XYLT1: variants seen among roughly 807,000 people sequenced by gnomAD.
XYLT1 encodes beta-D-xylosyltransferase 1.
A neutral mutation model predicts 91.3 loss-of-function variants in XYLT1; 36 were observed. The ratio of observed to expected loss-of-function variants is 0.39; its 90% confidence interval spans 0.30 to 0.52. The LOEUF (loss-of-function observed/expected upper bound fraction) is 0.52. XYLT1 is among the 20% of genes least tolerant of loss of function. The pLI, the probability that XYLT1 is intolerant of heterozygous loss-of-function variation, is 0.68. For missense variants in XYLT1, 1,242 were observed against 1,284.5 expected (o/e 0.97, Z 0.51); for synonymous variants, 588 against 532.0 (o/e 1.11, Z -1.45).
At chr16:17,438,890 A>C (rs2036496336) in intron 1 of XYLT1, among the ~76,000 whole-genome samples, 1 of 152,182 alleles carries the variant, frequency 6.6e-6, no homozygotes, top group African/African-American at 2.4e-5. Flanking sequence ...TTACAATTCA[A>C]CATGAGATTT....
At chr16:17,109,222 GGCACGGT>G (rs1966821238) in intron 11 of XYLT1, among the ~76,000 whole-genome samples, 2 of 152,166 alleles carry the variant, frequency 1.3e-5, no homozygotes, top group Non-Finnish European at 2.9e-5. Flanking sequence ...CTTTGTACAG[GGCACGGT>G]GCATGCCTTT....
At chr16:17,401,213 A>G (rs1274966909) in intron 1 of XYLT1, among the ~76,000 whole-genome samples, 4 of 152,120 alleles carry the variant, frequency 2.6e-5, no homozygotes, top group African/African-American at 7.2e-5. Flanking sequence ...TACAAAGGAA[A>G]AGGGACGAGG....
chr16:17,381,073 G>A (rs970457022), intron 1 of XYLT1, among the ~76,000 whole-genome samples: 3 of 152,168 alleles, frequency 2.0e-5, no homozygotes, highest in Admixed American at 6.5e-5. Context: ...CCTGCAAAGC[G>A]TTTTAGAACT....
chr16:17,108,675 C>T lies in XYLT1; in HGVS notation c.*20G>A. 1.3e-6 allele frequency: 2 copies of T among 1,539,778 alleles called. No homozygotes were observed. Among genetic ancestry groups the T allele is most frequent in the African/African-American group, 1.3e-5 (1 of 74,122 alleles). On this transcript the variant is annotated 3_prime_UTR_variant, in exon 12 of 12. Transcript: ENST00000261381. Reference sequence around the variant, plus strand: ...CTTTCCCGTTGAGATCCTGCTGTGGCCCACTCCTCGTGCCCAGTGCTACCT... The same window carrying T: ...CTTTCCCGTTGAGATCCTGCTGTGGTCCACTCCTCGTGCCCAGTGCTACCT...
intron 4 of XYLT1, 28 bp downstream of exon 4, chr16:17,200,454 G>A (rs2032518019): frequency 3.1e-6 from 5 of 1,601,804 alleles, no homozygotes; most frequent in African/African-American, 1.3e-5. Context: ...AGAAAGCCCA[G>A]CAAGGGGTGA....
chr16:17,155,225 A>C (rs1416264716), intron 6 of XYLT1, among the ~76,000 whole-genome samples: 1 of 152,202 alleles, frequency 6.6e-6, no homozygotes, highest in East Asian at 1.9e-4. Flanking sequence ...GAGTTTGAGC[A>C]AGTAACTTCA....
At chr16:17,197,614 C>T (rs2032455461) in intron 5 of XYLT1, among the ~76,000 whole-genome samples, 1 of 152,076 alleles carries the variant, frequency 6.6e-6, no homozygotes, top group South Asian at 2.1e-4. Context: ...TAATCAGCTG[C>T]CAGCGTGGCC....
At chr16:17,383,040 C>T (rs547749510) in intron 1 of XYLT1, among the ~76,000 whole-genome samples, 5 of 151,926 alleles carry the variant, frequency 3.3e-5, no homozygotes, top group Admixed American at 6.6e-5. Flanking sequence ...CTGAGACCCA[C>T]GTACTCACTT....
At chr16:17,234,147 T>C (rs1378287381) in intron 3 of XYLT1, among the ~76,000 whole-genome samples, 1 of 152,134 alleles carries the variant, frequency 6.6e-6, no homozygotes, top group Non-Finnish European at 1.5e-5. Context: ...GCCACGCCCA[T>C]TTTGCAGAGG....
At chr16:17,217,686 T>A (rs2032885658) in intron 3 of XYLT1, among the ~76,000 whole-genome samples, 1 of 152,100 alleles carries the variant, frequency 6.6e-6, no homozygotes, top group South Asian at 2.1e-4. Flanking sequence ...GACAGTCCAG[T>A]GGATGTTGGA....
At chr16:17,320,066 C>G (rs1484593117) in intron 2 of XYLT1, among the ~76,000 whole-genome samples, 30 of 152,344 alleles carry the variant, frequency 2.0e-4, no homozygotes, top group East Asian at 1.9e-4. Context: ...TCCTACATAA[C>G]ATAGCCCACT....
intron 2 of XYLT1, among the ~76,000 whole-genome samples, chr16:17,279,993 C>A (rs1160153348): frequency 6.6e-6 from 1 of 152,166 alleles, no homozygotes; most frequent in Non-Finnish European, 1.5e-5. Flanking sequence ...TGTCCCTCTC[C>A]CCTCTCTCAA....
At chr16:17,158,254 C>T (rs2031460400) in intron 6 of XYLT1, among the ~76,000 whole-genome samples, 1 of 152,118 alleles carries the variant, frequency 6.6e-6, no homozygotes, top group African/African-American at 2.4e-5. Context: ...CTGGGTGCCT[C>T]CCACCCCTGC....
chr16:17,166,249 G>A (rs989461667), intron 5 of XYLT1, among the ~76,000 whole-genome samples: 1 of 152,218 alleles, frequency 6.6e-6, no homozygotes, highest in Admixed American at 6.5e-5. Flanking sequence ...GTGATCATCT[G>A]TCTGCCAACA....
At chr16:17,321,629 A>G (rs2034723131) in intron 2 of XYLT1, among the ~76,000 whole-genome samples, 1 of 152,058 alleles carries the variant, frequency 6.6e-6, no homozygotes, top group Non-Finnish European at 1.5e-5. Flanking sequence ...AAGTGCTGGG[A>G]TTACAGGCAT....
intron 8 of XYLT1, 30 bp downstream of exon 8, chr16:17,138,325 G>GGAGGCTGGC: frequency 1.2e-6 from 2 of 1,602,734 alleles, no homozygotes; most frequent in Non-Finnish European, 1.7e-6. Context: ...GCATCACTTA[G>GGAGGCTGGC]GAGGCTGGCA....
Position 17,222,334 on chromosome 16 carries a change from T to C in XYLT1, c.914-21680A>G, listed in dbSNP as rs759647418. Among the ~76,000 whole-genome samples, 105 of 152,178 alleles carry C rather than the reference T, an allele frequency of 6.9e-4. 1 individual carries two copies. The highest frequency in any genetic ancestry group is 1.2e-3 in the Non-Finnish European group (85 of 68,010). Reference sequence around the variant, plus strand: ...TCACAACTGGAAGAAAGAATGCTACTGGCACCTAGGAGGTAGAAGCCAGGG... The same window carrying C: ...TCACAACTGGAAGAAAGAATGCTACCGGCACCTAGGAGGTAGAAGCCAGGG... On this transcript the variant is annotated intron_variant, in intron 3 of 11. Coordinates refer to ENST00000261381, the MANE Select transcript of XYLT1 (RefSeq NM_022166.4).
chr16:17,385,140 C>A (rs1242435316), intron 1 of XYLT1, among the ~76,000 whole-genome samples: 1 of 151,714 alleles, frequency 6.6e-6, no homozygotes, highest in Non-Finnish European at 1.5e-5. Flanking sequence ...GATGAAGAGA[C>A]AAACCTGTCC....
intron 1 of XYLT1, among the ~76,000 whole-genome samples, chr16:17,461,327 G>C (rs142363290): frequency 6.6e-6 from 1 of 152,348 alleles, no homozygotes; most frequent in East Asian, 1.9e-4. Context: ...ATGGGAAAGG[G>C]TATAGGCAAT....
Sources: gnomAD v4.1 joint callset for allele counts (sites outside exome capture counted in the v4.1 genomes callset) on GRCh38, gnomAD v4.1.1 for gene constraint, MANE v1.5 for transcripts, NCBI Gene and HGNC (gene_info 2026-07-23, HGNC 2026-07-21) for gene names.